Variants in POLR3E observed in about 807,000 individuals in gnomAD.
POLR3E encodes RNA polymerase III subunit E, also known as DNA-directed RNA polymerase III subunit RPC5.
In POLR3E, 41 loss-of-function variants were observed where a neutral mutation model predicts 96.6. That is an observed-to-expected ratio of 0.42 (90% confidence interval 0.33 to 0.55). The LOEUF is 0.55. Among genes scored for constraint, POLR3E ranks in the 20% least tolerant of loss-of-function variants. The pLI, the probability that POLR3E is intolerant of heterozygous loss-of-function variation, is 0.06. For synonymous variants in POLR3E, 396 were observed against 383.6 expected (o/e 1.03, Z -0.38); for missense variants, 849 against 952.1 (o/e 0.89, Z 1.43).
intron 6 of POLR3E, among the ~76,000 whole-genome samples, chr16:22,311,268 C>CAT (rs373013185): frequency 1.1e-4 from 12 of 109,464 alleles, no homozygotes; most frequent in African/African-American, 4.0e-4. Context: ...TGTGCCCAGC[C>CAT]TTTTTTTTTT....
At chr16:22,315,641 G>A (rs2048339479) in intron 9 of POLR3E, among the ~76,000 whole-genome samples, 2 of 151,996 alleles carry the variant, frequency 1.3e-5, no homozygotes, top group South Asian at 4.2e-4. Context: ...CATCTGGTAC[G>A]CTGACTTTAT....
In POLR3E at chr16:22,322,867, A is replaced by C; in HGVS notation, c.1004A>C (p.Lys335Thr). 1.1e-5 allele frequency: 18 copies of C among 1,613,270 alleles called. No homozygotes were observed. The highest frequency in any genetic ancestry group is 1.5e-5 in the Non-Finnish European group (18 of 1,179,508). Residue 335 changes from lysine (K) to threonine (T), a missense_variant, in exon 14 of 21, where the codon AAG becomes ACG. By Grantham distance (78) the Lys-to-Thr change is moderately conservative. Transcript: ENST00000299853. The surrounding 1 kb of genome is among the most constrained non-coding windows in gnomAD (Gnocchi z 5.2). ...WVVKSDILYPKDSSSPHSGVP... is the reference protein window; with the variant it reads ...WVVKSDILYPTDSSSPHSGVP... ...ATTGGCAGTGACATCCTATACCCCA[A>C]GGACTCGTCCAGCCCTCACAGCGGC...
At chr16:22,308,342 C>G in intron 4 of POLR3E, 117 bp downstream of exon 4, 1 of 802,996 alleles carries the variant, frequency 1.2e-6, no homozygotes, top group Non-Finnish European at 2.2e-6. Context: ...ACCAGCAACT[C>G]CCAGGCCCTT....
chr16:22,307,688 CCGT>C (rs1305150447), intron 3 of POLR3E, among the ~76,000 whole-genome samples: 1 of 152,236 alleles, frequency 6.6e-6, no homozygotes, highest in Non-Finnish European at 1.5e-5. Context: ...TCCCACCTGC[CCGT>C]CGTCTGGCCT....
intron 18 of POLR3E, 37 bp downstream of exon 18, chr16:22,326,315 G>A (rs773076506): frequency 4.2e-6 from 2 of 471,364 alleles, no homozygotes; most frequent in South Asian, 3.2e-5. Context: ...CATGGGGGGT[G>A]GGGGGTGGGG....
At chr16:22,307,972 G>T (rs537751128) in intron 3 of POLR3E, among the ~76,000 whole-genome samples, 176 bp from the exon 4 acceptor site, 1 of 152,160 alleles carries the variant, frequency 6.6e-6, no homozygotes, top group African/African-American at 2.4e-5. Context: ...ATAGGGCTGC[G>T]GGTGGAGACT....
intron 9 of POLR3E, 133 bp from the exon 10 acceptor site, chr16:22,316,467 TG>T: frequency 3.0e-6 from 2 of 658,924 alleles, no homozygotes; most frequent in East Asian, 2.7e-5. Context: ...TCAGAGGCCT[TG>T]GGTGCCGTGC....
intron 19 of POLR3E, 37 bp downstream of exon 19, chr16:22,328,624 A>G (rs1013934424): frequency 2.5e-6 from 4 of 1,576,500 alleles, no homozygotes; most frequent in Middle Eastern, 1.7e-4. Flanking sequence ...CCGAAGAGCC[A>G]GGGGGGTTTC....
intron 3 of POLR3E, among the ~76,000 whole-genome samples, chr16:22,306,736 A>C (rs1228927613): frequency 6.6e-6 from 1 of 152,240 alleles, no homozygotes; most frequent in African/African-American, 2.4e-5. Context: ...TTCTAGGTAT[A>C]TGCCTGGTAG....
In POLR3E at chr16:22,334,112, ATTT is replaced by A. The variant is rs1347558778; in HGVS notation, c.*415_*417del. 1 of 161,964 alleles carries A rather than the reference ATTT, an allele frequency of 6.2e-6. No individual in the cohort carries two copies. Among genetic ancestry groups the A allele is most frequent in the East Asian group, 1.8e-4 (1 of 5,642 alleles). The allele number at this position is 161,964 out of a possible 1,614,324, so 10.0% of individuals were successfully genotyped here. A position where few individuals can be genotyped will look rare whatever the true frequency, so the allele number is the denominator to read the frequency against. On this transcript the variant is annotated 3_prime_UTR_variant, in exon 21 of 21. Coordinates refer to ENST00000299853, the MANE Select transcript of POLR3E (RefSeq NM_018119.4). Reference sequence around the variant, plus strand: ...CATGAAGAAAACCTCAAAGTTCTTAATTTTTAAAATGCCTAGAAGACAATATTT... The same window carrying A: ...CATGAAGAAAACCTCAAAGTTCTTAATTAAAATGCCTAGAAGACAATATTT...
In POLR3E at chr16:22,322,967, G is replaced by T. The variant is rs1208177362; in HGVS notation, c.1068+36G>T. ...TGGGTTCTCTGGACTCACGGTGGGGGCGTGGGAAGAGGGGGGCAGCGGTGC... is the reference window on the plus strand; with the variant it reads ...TGGGTTCTCTGGACTCACGGTGGGGTCGTGGGAAGAGGGGGGCAGCGGTGC... On this transcript the variant is annotated intron_variant, in intron 14 of 20. Coordinates refer to ENST00000299853, the MANE Select transcript of POLR3E (RefSeq NM_018119.4). This position sits in a 1 kb window ranked among gnomAD's most constrained non-coding sequence, Gnocchi z 5.2. 2.0e-6 allele frequency: 3 copies of T among 1,465,000 alleles called. No homozygotes were observed. The highest frequency in any genetic ancestry group is 2.8e-5 in the African/African-American group (2 of 71,830). The allele number at this position is 1,465,000 out of a possible 1,614,324, so 90.8% of individuals were successfully genotyped here.
In POLR3E at chr16:22,322,168, T is replaced by G. The variant is rs1167061867; in HGVS notation, c.987-682T>G. Reference sequence around the variant, plus strand: ...GGATGAGTGACAGTTGGTTGCCAGGTGGACCTGAGCAGGGGGAGGAGGAGG... The same window carrying G: ...GGATGAGTGACAGTTGGTTGCCAGGGGGACCTGAGCAGGGGGAGGAGGAGG... On this transcript the variant is annotated intron_variant, in intron 13 of 20. Transcript: ENST00000299853. The surrounding 1 kb of genome is among the most constrained non-coding windows in gnomAD (Gnocchi z 5.2). Among the ~76,000 whole-genome samples, 2 of 152,248 alleles carry G rather than the reference T, an allele frequency of 1.3e-5. No individual in the cohort carries two copies. Among genetic ancestry groups the G allele is most frequent in the East Asian group, 3.9e-4 (2 of 5,182 alleles).
chr16:22,301,408 C>A (rs2048016961), intron 1 of POLR3E, among the ~76,000 whole-genome samples: 1 of 151,850 alleles, frequency 6.6e-6, no homozygotes, highest in South Asian at 2.1e-4. Context: ...ATGGCAAAGC[C>A]CCGTCTCTAC....
At position 22,309,524 on chromosome 16, in the gene POLR3E, G is replaced by C. The variant is rs530204010; in HGVS notation, c.364+14G>C. The C allele has an allele frequency of 2.5e-4, 396 of 1,590,236 alleles. 2 individuals carry two copies. In the South Asian group the frequency reaches 4.2e-3, roughly 17 times the overall value. ...TCTACAGGCAAGGTACCCGGGGCTG[G>C]GTGTCCCGCGGTGGGGACATGGCAT... On this transcript the variant is annotated intron_variant, in intron 6 of 20. Coordinates refer to ENST00000299853, the MANE Select transcript of POLR3E (RefSeq NM_018119.4).
chr16:22,305,508 T>A, intron 3 of POLR3E: 1 of 609,672 alleles, frequency 1.6e-6, no homozygotes, highest in Non-Finnish European at 3.1e-6. Flanking sequence ...AGTTTCTTAA[T>A]CCTTCTGTGC....
At chr16:22,303,066 ATG>A in intron 2 of POLR3E, 62 bp downstream of exon 2, 1 of 1,449,782 alleles carries the variant, frequency 6.9e-7, no homozygotes, top group Non-Finnish European at 9.7e-7. Context: ...GGTCCTTTCC[ATG>A]TGTCCTCAGG....
At chr16:22,299,108 G>T (rs142630131) in intron 1 of POLR3E, 1 of 452,142 alleles carries the variant, frequency 2.2e-6, no homozygotes, top group Non-Finnish European at 4.5e-6. Flanking sequence ...GAGGAGGCTG[G>T]GGGAGGCTTT....
At chr16:22,309,987 T>C (rs898872158) in intron 6 of POLR3E, 1 of 167,008 alleles carries the variant, frequency 6.0e-6, no homozygotes, top group African/African-American at 2.4e-5. Flanking sequence ...AGAAACAGAA[T>C]GTGGTCCATT....
chr16:22,323,441 C>T (rs2048512300), intron 14 of POLR3E, among the ~76,000 whole-genome samples: 1 of 152,078 alleles, frequency 6.6e-6, no homozygotes, highest in Non-Finnish European at 1.5e-5. Flanking sequence ...TGGCCTCCCT[C>T]CCAAGGCCTG....
Sources: gnomAD v4.1 joint callset for allele counts (sites outside exome capture counted in the v4.1 genomes callset) on GRCh38, gnomAD v4.1.1 for gene constraint, Gnocchi (gnomAD v3.1) non-coding constraint, MANE v1.5 for transcripts, NCBI Gene and HGNC (gene_info 2026-07-23, HGNC 2026-07-21) for gene names.